The following LRRC49 variants were observed in gnomAD, a reference collection of about 807,000 sequenced individuals.
The protein encoded by LRRC49 is leucine rich repeat containing 49.
A neutral mutation model predicts 83.3 loss-of-function variants in LRRC49; 50 were observed. The ratio of observed to expected loss-of-function variants is 0.60; its 90% CI spans 0.48 to 0.76. The LOEUF (loss-of-function observed/expected upper bound fraction) is 0.76, where lower values mean the gene tolerates loss of function less well. Ranked by LOEUF, LRRC49 falls within the 30% of genes least tolerant of loss-of-function variation. LRRC49 has a pLI of 0.00. For missense variants in LRRC49, 704 were observed against 809.1 expected (o/e 0.87, Z 1.58); for synonymous variants, 286 against 283.3 (o/e 1.01, Z -0.10).
chr15:70,929,001 A>G (rs1294580072), intron 7 of LRRC49, among the ~76,000 whole-genome samples: 2 of 152,002 alleles, frequency 1.3e-5, no homozygotes, highest in Non-Finnish European at 2.9e-5. Flanking sequence ...TGTTTCTATA[A>G]TTTTCATCAT....
intron 2 of LRRC49, among the ~76,000 whole-genome samples, chr15:70,874,264 G>A (rs750449405): frequency 4.6e-5 from 7 of 152,124 alleles, no homozygotes; most frequent in Non-Finnish European, 1.0e-4. Flanking sequence ...CATCCCTGCT[G>A]GTTTAGGTGA....
intron 9 of LRRC49, among the ~76,000 whole-genome samples, chr15:70,978,458 A>G (rs2037284371): frequency 6.6e-6 from 1 of 152,212 alleles, no homozygotes. Context: ...AGCAAGTCAC[A>G]TGGCCACATC....
chr15:70,979,319 C>A (rs2037317682), intron 9 of LRRC49, among the ~76,000 whole-genome samples: 1 of 152,010 alleles, frequency 6.6e-6, no homozygotes, highest in African/African-American at 2.4e-5. Flanking sequence ...GTCATTTCTA[C>A]TTTTTCCAGC....
At chr15:71,008,050 A>G (rs965003587) in intron 11 of LRRC49, among the ~76,000 whole-genome samples, 5 of 151,834 alleles carry the variant, frequency 3.3e-5, no homozygotes, top group Admixed American at 1.3e-4. Flanking sequence ...GGGAAAACCT[A>G]TCTGTGTTGA....
chr15:70,989,005 T>C (rs2037751098), intron 11 of LRRC49, among the ~76,000 whole-genome samples: 2 of 152,242 alleles, frequency 1.3e-5, no homozygotes, highest in South Asian at 4.1e-4. Context: ...CTGAGAGATC[T>C]GCTGTTAGTC....
chr15:70,877,912 G>A (rs1460434603), intron 2 of LRRC49, among the ~76,000 whole-genome samples: 3 of 152,274 alleles, frequency 2.0e-5, no homozygotes, highest in Non-Finnish European at 2.9e-5. Flanking sequence ...GGTGGATCAC[G>A]AGGTCAGGAG....
At chr15:71,003,640 G>A (rs1307348787) in intron 11 of LRRC49, among the ~76,000 whole-genome samples, 1 of 152,098 alleles carries the variant, frequency 6.6e-6, no homozygotes, top group African/African-American at 2.4e-5. Context: ...TCATGAAAAT[G>A]TACTGAGCTA....
chr15:71,017,656 G>A (rs569091959), intron 14 of LRRC49, among the ~76,000 whole-genome samples: 5 of 152,172 alleles, frequency 3.3e-5, no homozygotes, highest in Admixed American at 1.3e-4. Context: ...AAAATAATGC[G>A]ATGTCATTTT....
chr15:71,000,902 G>T (rs972918483), intron 11 of LRRC49, among the ~76,000 whole-genome samples: 2 of 151,558 alleles, frequency 1.3e-5, no homozygotes, highest in Admixed American at 6.6e-5. Flanking sequence ...TCAACCTCTC[G>T]ATGGTAGAGT....
intron 8 of LRRC49, among the ~76,000 whole-genome samples, chr15:70,950,521 G>A (rs1249539217): frequency 6.6e-6 from 1 of 152,096 alleles, no homozygotes; most frequent in Non-Finnish European, 1.5e-5. Flanking sequence ...GTGATGATAT[G>A]AGCATTTTTT....
intron 3 of LRRC49, among the ~76,000 whole-genome samples, chr15:70,896,218 T>A (rs1200831716): frequency 1.3e-5 from 2 of 152,150 alleles, no homozygotes; most frequent in Admixed American, 1.3e-4. Context: ...GAACAGTATT[T>A]GGAAGTCGCT....
At chr15:70,882,369 T>C in intron 2 of LRRC49, 1 of 1,208,388 alleles carries the variant, frequency 8.3e-7, no homozygotes, top group South Asian at 1.5e-5. Context: ...TATCTTGAAG[T>C]GAAAGATTTA....
chr15:70,979,675 T>C (rs1388568481), intron 9 of LRRC49, among the ~76,000 whole-genome samples: 1 of 152,058 alleles, frequency 6.6e-6, no homozygotes, highest in Non-Finnish European at 1.5e-5. Context: ...TTTACCCTGG[T>C]TTTTTCATCA....
At chr15:70,858,688 GCCTGCCTCCACT>G (rs1595963029) in intron 1 of LRRC49, 2 of 621,810 alleles carry the variant, frequency 3.2e-6, no homozygotes, top group Non-Finnish European at 5.5e-6. Flanking sequence ...GGTTCAGCCC[GCCTGCCTCCACT>G]CCTGCCTCCA....
At chr15:70,996,858 A>G (rs936172975) in intron 11 of LRRC49, among the ~76,000 whole-genome samples, 25 of 152,172 alleles carry the variant, frequency 1.6e-4, no homozygotes, top group African/African-American at 6.0e-4. Context: ...GTGTTTGTTT[A>G]AGACTGCAGT....
chr15:70,880,488 A>C (rs2033241036), intron 2 of LRRC49, among the ~76,000 whole-genome samples: 1 of 152,252 alleles, frequency 6.6e-6, no homozygotes, highest in African/African-American at 2.4e-5. Flanking sequence ...ACTAAGGTAA[A>C]TATAACTTTT....
intron 9 of LRRC49, among the ~76,000 whole-genome samples, chr15:70,978,272 G>T (rs1350776040): frequency 1.3e-5 from 2 of 152,162 alleles, no homozygotes; most frequent in Admixed American, 6.5e-5. Context: ...TGTGATTTGG[G>T]ATCTTTGCTC....
chr15:70,890,174 T>C (rs2033514807), upstream of LRRC49, among the ~76,000 whole-genome samples: 1 of 152,204 alleles, frequency 6.6e-6, no homozygotes, highest in Non-Finnish European at 1.5e-5. Flanking sequence ...TTTGATTAGG[T>C]TGTGTAATTA....
chr15:71,038,609 C>G (rs2039599005), intron 15 of LRRC49, among the ~76,000 whole-genome samples: 1 of 152,066 alleles, frequency 6.6e-6, no homozygotes, highest in Non-Finnish European at 1.5e-5. Flanking sequence ...ACAAGATGTT[C>G]TACTTTAAGT....
Sources: allele counts gnomAD v4.1 joint callset (sites outside exome capture counted in the v4.1 genomes callset), GRCh38; gene constraint gnomAD v4.1.1; transcripts MANE v1.5; gene names NCBI Gene and HGNC (gene_info 2026-07-23, HGNC 2026-07-21).